SCYL2: variants seen among roughly 807,000 people sequenced by gnomAD.
SCYL2 encodes SCY1-like protein 2.
A neutral mutation model predicts 100.4 loss-of-function variants in SCYL2; 36 were observed. The observed-to-expected ratio is 0.36, with a 90% CI of 0.27 to 0.47. The LOEUF (loss-of-function observed/expected upper bound fraction) is 0.47. Ranked by LOEUF, SCYL2 falls within the 20% of genes least tolerant of loss-of-function variation. The probability of loss-of-function intolerance (pLI) is 1.00; values close to 1 mark genes in which losing one functional copy is unlikely to be tolerated. For synonymous variants in SCYL2, 330 were observed against 359.2 expected (o/e 0.92, Z 0.92); for missense variants, 902 against 1,083.9 (o/e 0.83, Z 2.36).
intron 4 of SCYL2, among the ~76,000 whole-genome samples, chr12:100,310,200 T>C (rs550296064): frequency 2.0e-5 from 3 of 152,192 alleles, no homozygotes; most frequent in Non-Finnish European, 4.4e-5. Flanking sequence ...GGTTTCCCCA[T>C]GTTGGCTAGG....
At chr12:100,330,729 T>G (rs1952198523) in intron 13 of SCYL2, among the ~76,000 whole-genome samples, 1 of 152,070 alleles carries the variant, frequency 6.6e-6, no homozygotes, top group Non-Finnish European at 1.5e-5. Context: ...TGAGCAGAGT[T>G]TTGGAGGTAG....
chr12:100,318,691 CT>C (rs1378181356), intron 10 of SCYL2, among the ~76,000 whole-genome samples: 1 of 152,108 alleles, frequency 6.6e-6, no homozygotes, highest in Non-Finnish European at 1.5e-5. Context: ...CATAATTTTC[CT>C]TCTTGCTTGG....
chr12:100,337,072 T>C (rs1327858251), intron 16 of SCYL2, among the ~76,000 whole-genome samples: 4 of 152,180 alleles, frequency 2.6e-5, no homozygotes, highest in Non-Finnish European at 4.4e-5. Flanking sequence ...AGAGTTTAAA[T>C]AGATTTCCCA....
chr12:100,294,781 TG>T (rs2096316620), intron 3 of SCYL2, among the ~76,000 whole-genome samples: 1 of 140,014 alleles, frequency 7.1e-6, no homozygotes, highest in African/African-American at 2.8e-5. Flanking sequence ...ACGGGGCGGC[TG>T]GCCGGGCGGG....
chr12:100,322,860 C>CAA (rs138492576), intron 10 of SCYL2, among the ~76,000 whole-genome samples: 13 of 78,900 alleles, frequency 1.6e-4, no homozygotes, highest in Non-Finnish European at 2.7e-4. Context: ...AACTCCGTCT[C>CAA]AAAAAAAAAA....
chr12:100,332,075 G>A (rs1339654276), intron 13 of SCYL2, among the ~76,000 whole-genome samples: 1 of 152,144 alleles, frequency 6.6e-6, no homozygotes, highest in Non-Finnish European at 1.5e-5. Context: ...AAGGGAAAAG[G>A]TTCATAGGAC....
At chr12:100,325,736 C>T (rs1191329090) in intron 11 of SCYL2, among the ~76,000 whole-genome samples, 2 of 151,894 alleles carry the variant, frequency 1.3e-5, no homozygotes, top group Non-Finnish European at 2.9e-5. Flanking sequence ...AATTAGTATT[C>T]TCGGTTTTGC....
intron 4 of SCYL2, among the ~76,000 whole-genome samples, chr12:100,298,639 T>A (rs1309938391): frequency 6.6e-6 from 1 of 152,148 alleles, no homozygotes; most frequent in Non-Finnish European, 1.5e-5. Flanking sequence ...AACCTCCACC[T>A]CCCTGCAACC....
intron 5 of SCYL2, 23 bp from the exon 6 acceptor site, chr12:100,312,409 T>C (rs1311705411): frequency 5.3e-6 from 8 of 1,504,280 alleles, no homozygotes; most frequent in Non-Finnish European, 7.4e-6. Flanking sequence ...AAGTAACCCA[T>C]GTAATTCCTT....
intron 1 of SCYL2, among the ~76,000 whole-genome samples, chr12:100,273,763 T>A (rs751885793): frequency 1.3e-5 from 2 of 152,216 alleles, no homozygotes; most frequent in African/African-American, 4.8e-5. Flanking sequence ...TTTGAGCCCA[T>A]CTTAATATTT....
chr12:100,270,023 G>T (rs1371430424), intron 1 of SCYL2, among the ~76,000 whole-genome samples: 4 of 147,852 alleles, frequency 2.7e-5, no homozygotes, highest in Non-Finnish European at 5.9e-5. Flanking sequence ...GTGTCACTCT[G>T]TCACCCAGGC....
At chr12:100,294,425 CG>C (rs2096315190) in intron 3 of SCYL2, among the ~76,000 whole-genome samples, 7 of 101,614 alleles carry the variant, frequency 6.9e-5, no homozygotes, top group Admixed American at 9.3e-5. Context: ...GCTGGCCGGG[CG>C]GGGGGGCTCC....
intron 5 of SCYL2, among the ~76,000 whole-genome samples, chr12:100,312,115 T>A (rs181481000): frequency 6.8e-4 from 104 of 152,158 alleles, no homozygotes; most frequent in African/African-American, 2.4e-3. Flanking sequence ...CAAACAACAG[T>A]CTCTATCTGA....
At chr12:100,313,659 T>G in intron 7 of SCYL2, 121 bp downstream of exon 7, 1 of 600,662 alleles carries the variant, frequency 1.7e-6, no homozygotes, top group South Asian at 2.1e-5. Context: ...ATTAAGTTCT[T>G]CTAAAGCAAC....
At chr12:100,280,604 A>T (rs1036340388) in intron 1 of SCYL2, among the ~76,000 whole-genome samples, 1 of 152,188 alleles carries the variant, frequency 6.6e-6, no homozygotes, top group Non-Finnish European at 1.5e-5. Context: ...CAAAGGAGAA[A>T]AGTTAAGCCT....
intron 10 of SCYL2, among the ~76,000 whole-genome samples, chr12:100,320,366 G>A (rs1271069298): frequency 1.3e-5 from 2 of 151,956 alleles, no homozygotes; most frequent in Non-Finnish European, 2.9e-5. Context: ...CCAACATGGC[G>A]AAACCCCGTC....
Position 100,323,631 on chromosome 12 carries a change from C to A in SCYL2, c.1502C>A (p.Ser501Tyr), listed in dbSNP as rs780224784. ...AAAAATGCTTGTCTACAAACATCTT[C>A]CCTTGCGGTAAGTAATTGCATATTA... ...RIKNACLQTS[S>Y]LAVRVNSLVC... The change falls in exon 11 of 18, where the codon TCC becomes TAC. Residue 501 changes from serine (S) to tyrosine (Y), a missense_variant. Transcript: ENST00000360820. 6.4e-7 allele frequency: 1 copy of A among 1,554,466 alleles called. No individual in the cohort carries two copies. The highest frequency in any genetic ancestry group is 8.8e-7 in the Non-Finnish European group (1 of 1,136,470).
At chr12:100,291,157 T>C (rs12301087) in intron 2 of SCYL2, among the ~76,000 whole-genome samples, 22,641 of 152,246 alleles carry the variant, frequency 0.15, 1,905 homozygotes, top group Non-Finnish European at 0.18. Context: ...ACTTCACGAT[T>C]ATCATTGTAA....
At position 100,334,177 on chromosome 12, in the gene SCYL2, C is replaced by T; in HGVS notation, c.1773C>T (p.Phe591=). 3.1e-6 allele frequency: 5 copies of T among 1,589,876 alleles called. No homozygotes were observed. The highest frequency in any genetic ancestry group is 4.3e-6 in the Non-Finnish European group (5 of 1,161,786). ...TCTCATTATACCAGTTCAATTCTTTCATTTCCGTCATAAAAGAAATGCTTA... is the reference window on the plus strand; with the variant it reads ...TCTCATTATACCAGTTCAATTCTTTTATTTCCGTCATAAAAGAAATGCTTA... The part of the protein sequence containing the change: ...NNLNLNQFNS[F]ISVIKEMLNR... Residue 591 remains phenylalanine, a synonymous_variant, in exon 14 of 18, where the codon TTC becomes TTT. Coordinates refer to ENST00000360820, the MANE Select transcript of SCYL2 (RefSeq NM_017988.6).
Sources: allele counts gnomAD v4.1 joint callset (sites outside exome capture counted in the v4.1 genomes callset), GRCh38; gene constraint gnomAD v4.1.1; transcripts MANE v1.5; gene names NCBI Gene and HGNC (gene_info 2026-07-23, HGNC 2026-07-21).